ZNF33B: variants seen among roughly 807,000 people sequenced by gnomAD.
The protein encoded by ZNF33B is zinc finger protein 33B.
In ZNF33B, 29 loss-of-function variants were observed where a neutral mutation model predicts 45.8. The observed-to-expected ratio is 0.63, with a 90% CI of 0.47 to 0.86. ZNF33B has a LOEUF of 0.86. Ranked by LOEUF, ZNF33B falls within the 40% of genes least tolerant of loss-of-function variation. The pLI is 0.00. For synonymous variants in ZNF33B, 305 were observed against 307.8 expected, an observed-to-expected ratio of 0.99 and a Z score of 0.10; for missense variants, 831 against 909.9, an observed-to-expected ratio of 0.91 and a Z score of 1.12.
chr10:42,638,440 C>T, intron 1 of ZNF33B, 34 bp downstream of exon 1: 1 of 350,772 alleles, frequency 2.9e-6, no homozygotes, highest in South Asian at 2.2e-5. Context: ...CGCGGGGCCC[C>T]CTCTCCGTCC....
At chr10:42,584,355 A>T (rs986914714), downstream of ZNF33B, among the ~76,000 whole-genome samples, 2 of 152,058 alleles carry the variant, frequency 1.3e-5, no homozygotes, top group Non-Finnish European at 2.9e-5. Flanking sequence ...CGCAACAACA[A>T]GGTCTGCAAG....
chr10:42,585,479 C>CG (rs1476000562), downstream of ZNF33B, among the ~76,000 whole-genome samples: 1 of 152,160 alleles, frequency 6.6e-6, no homozygotes, highest in East Asian at 1.9e-4. Context: ...ATCTTGATGT[C>CG]GGTTCACCAC....
Position 42,579,820 on chromosome 10 carries a change from C to A in ZNF33B, c.74-5142G>T, listed in dbSNP as rs191508385. The A allele has an allele frequency of 1.6e-3, 253 of 154,514 alleles. 1 individual carries two copies. The highest frequency in any genetic ancestry group is 5.5e-3 in the African/African-American group (229 of 41,660). 9.6% of individuals were successfully genotyped at this position (154,514 alleles called of 1,614,324 possible). ...CCCTGGCATACCAACCAGAGAGCAA[C>A]TGGCCAAAGAAATCGGCAGTCTGGA... On this transcript the variant is annotated intron_variant, in intron 1 of 1. Transcript: ENST00000462075.
Position 42,592,367 on chromosome 10 carries a change from A to C in ZNF33B, c.*246T>G, listed in dbSNP as rs764539227. On this transcript the variant is annotated 3_prime_UTR_variant, in exon 5 of 5. Transcript: ENST00000359467. ...GCCAAAAACTTTCACAAATTCAAAA[A>C]AATCTGTGAGGTTTTATGCCAGTAT... The C allele has an allele frequency of 1.1e-5, 7 of 635,438 alleles. No individual in the cohort carries two copies. Among genetic ancestry groups the C allele is most frequent in the Non-Finnish European group, 1.6e-5 (7 of 433,554 alleles). 39.4% of individuals were successfully genotyped at this position (635,438 alleles called of 1,614,324 possible). A position where few individuals can be genotyped will look rare whatever the true frequency, so the allele number is the denominator to read the frequency against.
chr10:42,634,890 A>G (rs1839217351), intron 2 of ZNF33B, among the ~76,000 whole-genome samples: 1 of 152,250 alleles, frequency 6.6e-6, no homozygotes, highest in African/African-American at 2.4e-5. Flanking sequence ...AGCACACACC[A>G]TCAACAAATA....
chr10:42,599,465 TATGTATATTACATATATAC>T (rs1202471335), intron 4 of ZNF33B, among the ~76,000 whole-genome samples: 22 of 714 alleles, frequency 0.031, no homozygotes, highest in African/African-American at 0.11. Flanking sequence ...CATATATACA[TATGTATATTACATATATAC>T]ATATGTATAA....
In ZNF33B at chr10:42,594,240, C is replaced by T. The variant is rs199767536; in HGVS notation, c.710G>A (p.Arg237Gln). 3.1e-5 allele frequency: 50 copies of T among 1,613,720 alleles called. No homozygotes were observed. The highest frequency in any genetic ancestry group is 1.6e-4 in the Middle Eastern group (1 of 6,062). Residue 237 changes from arginine (R) to glutamine (Q), a missense_variant, in exon 5 of 5, where the codon CGG becomes CAG. By Grantham distance (43) the Arg-to-Gln change is conservative. Coordinates refer to ENST00000359467, the MANE Select transcript of ZNF33B (RefSeq NM_006955.3). ...ATTCTCTTCTGCATTCTCTCTCTTC[C>T]GTGTATTGAATACTGCCTTTTCAAG... is the stretch of plus-strand genomic sequence containing the variant. ...TLLEKAVFNT[R>Q]KRENAEENNC...
intron 4 of ZNF33B, among the ~76,000 whole-genome samples, chr10:42,596,730 T>A (rs1837416752): frequency 6.6e-6 from 1 of 152,106 alleles, no homozygotes. Flanking sequence ...AAAATTGCAA[T>A]TTCCAATTGA....
At position 42,638,466 on chromosome 10, in the gene ZNF33B, A is replaced by T; in HGVS notation, c.-45+8T>A. On this transcript the variant is annotated splice_region_variant and intron_variant, in intron 1 of 4. Coordinates refer to ENST00000359467, the MANE Select transcript of ZNF33B (RefSeq NM_006955.3). Reference sequence around the variant, plus strand: ...CTCTCCGTCCCTGCCCAACCCGCGGAGGCTTACCTCACTCTCTCTTCGGGT... The same window carrying T: ...CTCTCCGTCCCTGCCCAACCCGCGGTGGCTTACCTCACTCTCTCTTCGGGT... 1 of 401,870 alleles carries T rather than the reference A, an allele frequency of 2.5e-6. No individual in the cohort carries two copies. 24.9% of individuals were successfully genotyped at this position (401,870 alleles called of 1,614,324 possible).
At chr10:42,638,087 C>A (rs209386) in intron 1 of ZNF33B, among the ~76,000 whole-genome samples, 118,108 of 152,252 alleles carry the variant, frequency 0.78, 46,621 homozygotes, top group East Asian at 0.96. Flanking sequence ...GCAGAACGGG[C>A]AACAGAGTCC....
chr10:42,610,344 C>G (rs1005232441), intron 4 of ZNF33B, among the ~76,000 whole-genome samples: 2 of 151,964 alleles, frequency 1.3e-5, no homozygotes, highest in Non-Finnish European at 2.9e-5. Context: ...GAGACCAGCC[C>G]GGCCAACATG....
intron 1 of ZNF33B, among the ~76,000 whole-genome samples, chr10:42,580,593 C>T (rs1836809383): frequency 1.3e-5 from 2 of 151,890 alleles, no homozygotes; most frequent in Non-Finnish European, 2.9e-5. Flanking sequence ...TGCCTGATCC[C>T]ATTTTGGAAT....
Position 42,593,942 on chromosome 10 carries a change from T to G in ZNF33B, c.1008A>C (p.Lys336Asn), listed in dbSNP as rs1837273696. 6.2e-7 allele frequency: 1 copy of G among 1,614,082 alleles called. No homozygotes were observed. ...TGAGATGTGACTTCTCCCAGAAAGC[T>G]TTCCCACATTCATTACATTCAAAGT... ...EKHFECNECG[K>N]AFWEKSHLTR... Residue 336 changes from lysine (K) to asparagine (N), a missense_variant, in exon 5 of 5, where the codon AAA becomes AAC. Physicochemically the swap from Lys to Asn is moderately conservative, Grantham distance 94 (BLOSUM62 0). Coordinates refer to ENST00000359467, the MANE Select transcript of ZNF33B (RefSeq NM_006955.3).
chr10:42,594,156 T>C lies in ZNF33B; in HGVS notation c.794A>G (p.His265Arg), dbSNP rs750990040. ...ACTGTCCTTTGATGGAGGTATCTGA[T>C]GGAACAAGAGGGATGAACTATCACA... ...TFCDSSSLLF[H>R]QIPPSKDSHY... is the part of the protein sequence containing the mutation. The change falls in exon 5 of 5, where the codon CAT (histidine) becomes CGT (arginine). Residue 265 changes from histidine to arginine, a missense_variant. Transcript: ENST00000359467. The C allele has an allele frequency of 2.5e-6, 4 of 1,613,954 alleles. No homozygotes were observed. The highest frequency in any genetic ancestry group is 1.7e-5 in the Admixed American group (1 of 59,990).
chr10:42,634,202 C>T (rs752511968), intron 2 of ZNF33B, among the ~76,000 whole-genome samples: 8 of 151,734 alleles, frequency 5.3e-5, no homozygotes, highest in Non-Finnish European at 8.8e-5. Context: ...GTCAGGAGTT[C>T]AAGACTAGCC....
intron 2 of ZNF33B, among the ~76,000 whole-genome samples, chr10:42,634,611 C>G (rs1010159242): frequency 6.6e-6 from 1 of 152,138 alleles, no homozygotes; most frequent in Non-Finnish European, 1.5e-5. Context: ...AACCAACCAA[C>G]AGAACACAGT....
chr10:42,601,150 C>G (rs996732994), intron 4 of ZNF33B, among the ~76,000 whole-genome samples: 10 of 152,166 alleles, frequency 6.6e-5, no homozygotes, highest in Non-Finnish European at 1.3e-4. Context: ...AAGGAGAAAT[C>G]TGTTATCATC....
At chr10:42,618,608 A>C (rs1432620214) in intron 4 of ZNF33B, among the ~76,000 whole-genome samples, 1 of 152,206 alleles carries the variant, frequency 6.6e-6, no homozygotes, top group East Asian at 1.9e-4. Context: ...CACTTTTATA[A>C]GGCAGGTCAA....
At chr10:42,606,868 T>C (rs1223671040) in intron 4 of ZNF33B, among the ~76,000 whole-genome samples, 1 of 152,202 alleles carries the variant, frequency 6.6e-6, no homozygotes, top group Non-Finnish European at 1.5e-5. Flanking sequence ...TCTGAAATGC[T>C]TGGCATCAAA....
Sources: gnomAD v4.1 joint callset for allele counts (sites outside exome capture counted in the v4.1 genomes callset) on GRCh38, gnomAD v4.1.1 for gene constraint, MANE v1.5 for transcripts, NCBI Gene and HGNC (gene_info 2026-07-23, HGNC 2026-07-21) for gene names.